Variants in RNF144A observed in about 807,000 individuals in gnomAD.
The protein encoded by RNF144A is ring finger protein 144A.
RNF144A carries 11 observed loss-of-function variants against 38.7 expected under a neutral mutation model. The observed-to-expected ratio is 0.28, with a 90% CI of 0.18 to 0.47. RNF144A has a LOEUF of 0.47. Ranked by LOEUF, RNF144A falls within the 20% of genes least tolerant of loss-of-function variation. RNF144A has a pLI of 0.99. For missense variants in RNF144A, 316 were observed against 377.2 expected (o/e 0.84, Z 1.34); for synonymous variants, 149 against 143.9 (o/e 1.04, Z -0.25).
chr2:7,004,553 G>A lies in RNF144A; in HGVS notation c.135+7492G>A, dbSNP rs555590456. ...GTCCCTTCCAAGAGGGCAAACCTGC[G>A]ACTGCATTCTTGATTTGAAACTTAT... On this transcript the variant is annotated intron_variant, in intron 3 of 8. Transcript: ENST00000320892. 3.9e-5 allele frequency among the ~76,000 whole-genome samples: 6 copies of A among 152,298 alleles called. 1 individual carries two copies. In the South Asian group the frequency reaches 1.0e-3, roughly 26 times the overall value.
At chr2:6,975,951 T>C (rs761052044) in intron 2 of RNF144A, among the ~76,000 whole-genome samples, 1 of 152,274 alleles carries the variant, frequency 6.6e-6, no homozygotes, top group Non-Finnish European at 1.5e-5. Flanking sequence ...TTTGCAGATC[T>C]TTCCATTTGA....
At chr2:6,951,448 T>C (rs998254512) in intron 2 of RNF144A, among the ~76,000 whole-genome samples, 1 of 152,306 alleles carries the variant, frequency 6.6e-6, no homozygotes, top group Non-Finnish European at 1.5e-5. Context: ...CTGCCCTCTA[T>C]AGAGATTTTA....
chr2:7,021,405 C>A (rs759102300), intron 6 of RNF144A, among the ~76,000 whole-genome samples: 17 of 152,138 alleles, frequency 1.1e-4, no homozygotes, highest in African/African-American at 4.1e-4. Flanking sequence ...ATTCCACCGT[C>A]CCCAGCTCCT....
chr2:7,050,116 C>T (rs1426123273), intron 6 of RNF144A, among the ~76,000 whole-genome samples: 2 of 152,146 alleles, frequency 1.3e-5, no homozygotes, highest in Non-Finnish European at 2.9e-5. Flanking sequence ...ACCTGGTTCC[C>T]TGTCCTCAGT....
chr2:6,992,222 C>T (rs1197270781), intron 2 of RNF144A, among the ~76,000 whole-genome samples: 1 of 152,200 alleles, frequency 6.6e-6, no homozygotes, highest in Non-Finnish European at 1.5e-5. Flanking sequence ...GCATCACAGT[C>T]CCTGCCAGGC....
chr2:6,936,792 G>C (rs1323454850), intron 1 of RNF144A, among the ~76,000 whole-genome samples: 1 of 151,740 alleles, frequency 6.6e-6, no homozygotes, highest in Non-Finnish European at 1.5e-5. Context: ...TAGGAAATGA[G>C]AAGCCTCATC....
At chr2:7,066,545 A>T (rs1674232158) in intron 6 of RNF144A, among the ~76,000 whole-genome samples, 1 of 152,262 alleles carries the variant, frequency 6.6e-6, no homozygotes, top group Non-Finnish European at 1.5e-5. Context: ...TAATGTAGTT[A>T]TTTGCATATG....
In RNF144A at chr2:6,974,093, G is replaced by A. The variant is rs375640485; in HGVS notation, c.-11-22823G>A. 1.8e-3 allele frequency among the ~76,000 whole-genome samples: 280 copies of A among 152,238 alleles called. 2 individuals carry two copies. Among genetic ancestry groups the A allele is most frequent in the African/African-American group, 6.5e-3 (269 of 41,544 alleles). On this transcript the variant is annotated intron_variant, in intron 2 of 8. Coordinates refer to ENST00000320892, the MANE Select transcript of RNF144A (RefSeq NM_014746.6). ...ATGCTCATTAATTCATCTTAGATTCGTCATTTACCAGCCCCACCTAGTTCG... is the reference window on the plus strand; with the variant it reads ...ATGCTCATTAATTCATCTTAGATTCATCATTTACCAGCCCCACCTAGTTCG...
At chr2:6,950,338 A>G (rs552673884) in intron 2 of RNF144A, among the ~76,000 whole-genome samples, 34 of 152,346 alleles carry the variant, frequency 2.2e-4, no homozygotes, top group Middle Eastern at 3.4e-3. Flanking sequence ...AGTGTTCTCT[A>G]AGATTTAACC....
At chr2:6,959,053 T>C (rs1383684765) in intron 2 of RNF144A, among the ~76,000 whole-genome samples, 1 of 152,222 alleles carries the variant, frequency 6.6e-6, no homozygotes, top group African/African-American at 2.4e-5. Context: ...GTGATGCTCC[T>C]GGCGAAGCAC....
At chr2:6,942,092 G>A (rs984306588) in intron 2 of RNF144A, among the ~76,000 whole-genome samples, 24 of 152,214 alleles carry the variant, frequency 1.6e-4, no homozygotes, top group South Asian at 2.1e-4. Context: ...GGTAGAATCC[G>A]GGAGACCATC....
intron 2 of RNF144A, among the ~76,000 whole-genome samples, chr2:6,967,228 C>A (rs1051271894): frequency 8.5e-5 from 13 of 152,216 alleles, no homozygotes; most frequent in African/African-American, 3.1e-4. Flanking sequence ...GCATGTAGGT[C>A]ATTCTTCCTC....
At chr2:7,033,452 C>T (rs76227475) in intron 8 of RNF144A, among the ~76,000 whole-genome samples, 2 of 152,250 alleles carry the variant, frequency 1.3e-5, no homozygotes, top group Admixed American at 1.3e-4. Flanking sequence ...GTCTTGGCAG[C>T]CGCATCTTCC....
At chr2:7,030,690 G>T (rs923038299) in intron 8 of RNF144A, among the ~76,000 whole-genome samples, 5 of 152,158 alleles carry the variant, frequency 3.3e-5, no homozygotes, top group African/African-American at 1.2e-4. Context: ...GACTCACTTC[G>T]TGGAAGGCAG....
In RNF144A at chr2:6,958,554, G is replaced by T. The variant is rs1018030013; in HGVS notation, c.-12+17407G>T. On this transcript the variant is annotated intron_variant, in intron 2 of 8. Transcript: ENST00000320892. This position sits in a 1 kb window ranked among gnomAD's most constrained non-coding sequence, Gnocchi z 4.5. ...CTGGCTCCTTCTGGGAGTTACAAAT[G>T]TTGGGCTGTGACTAGCACCTTGAGC... Among the ~76,000 whole-genome samples the T allele has an allele frequency of 9.2e-5, 14 of 152,272 alleles. No individual in the cohort carries two copies. The highest frequency in any genetic ancestry group is 3.1e-4 in the African/African-American group (13 of 41,552).
chr2:7,033,876 G>A (rs1327268058), intron 8 of RNF144A, among the ~76,000 whole-genome samples: 1 of 152,202 alleles, frequency 6.6e-6, no homozygotes, highest in Non-Finnish European at 1.5e-5. Flanking sequence ...GGGCAAAATC[G>A]CGAATGACCC....
intron 6 of RNF144A, among the ~76,000 whole-genome samples, chr2:7,059,168 T>C (rs1315613295): frequency 6.6e-6 from 1 of 151,966 alleles, no homozygotes; most frequent in Non-Finnish European, 1.5e-5. Context: ...TAACACAGTG[T>C]AACCCCATCT....
intron 7 of RNF144A, among the ~76,000 whole-genome samples, chr2:7,025,222 G>A (rs1671806738): frequency 2.0e-5 from 3 of 152,190 alleles, no homozygotes; most frequent in Admixed American, 2.0e-4. Context: ...AATCTCCCAG[G>A]CCCACACGTC....
chr2:6,952,765 G>A (rs899734191), intron 2 of RNF144A, among the ~76,000 whole-genome samples: 3 of 151,854 alleles, frequency 2.0e-5, no homozygotes, highest in African/African-American at 4.8e-5. Context: ...TGGTATGCAG[G>A]TTAAGTTGTA....
Sources: allele counts gnomAD v4.1 joint callset (sites outside exome capture counted in the v4.1 genomes callset), GRCh38; gene constraint gnomAD v4.1.1; non-coding constraint Gnocchi (gnomAD v3.1); transcripts MANE v1.5; gene names NCBI Gene and HGNC (gene_info 2026-07-23, HGNC 2026-07-21).